The following HMCES variants were observed in gnomAD, a reference collection of about 807,000 sequenced individuals.
HMCES encodes the protein abasic site processing protein HMCES.
HMCES carries 27 observed loss-of-function variants against 35.1 expected under a neutral mutation model. That is an observed-to-expected ratio of 0.77 (90% CI 0.57 to 1.06). The LOEUF is 1.06. Ranked by LOEUF, HMCES falls within the 50% of genes least tolerant of loss-of-function variation. The pLI is 0.00. For missense variants in HMCES, 391 were observed against 430.4 expected (o/e 0.91, Z 0.81); for synonymous variants, 130 against 154.7 (o/e 0.84, Z 1.18).
rs1231255382 is a variant in HMCES at position 129,279,884 on chromosome 3, C to T, written c.152C>T (p.Pro51Leu). The change falls in exon 2 of 7, where the codon CCA (proline) becomes CTA (leucine). Residue 51 changes from proline (P) to leucine (L), a missense_variant. Transcript: ENST00000383463. The surrounding 1 kb of genome is among the most constrained non-coding windows in gnomAD (Gnocchi z 4.2). ...AACAAGAGTCCTCAATCCAACAGCCCAGTGCTTCTGTCTCGACTGCACTTT... is the reference window on the plus strand; with the variant it reads ...AACAAGAGTCCTCAATCCAACAGCCTAGTGCTTCTGTCTCGACTGCACTTT... The part of the protein sequence containing the change: ...SYNKSPQSNS[P>L]VLLSRLHFEK... 1 of 1,606,098 alleles carries T rather than the reference C, an allele frequency of 6.2e-7. No individual in the cohort carries two copies. Among genetic ancestry groups the T allele is most frequent in the East Asian group, 2.2e-5 (1 of 44,596 alleles).
chr3:129,283,063 G>A (rs1489716866), intron 2 of HMCES, among the ~76,000 whole-genome samples: 1 of 152,102 alleles, frequency 6.6e-6, no homozygotes, highest in African/African-American at 2.4e-5. Flanking sequence ...GTTGTAGAGC[G>A]TTTAGCAACA....
At chr3:129,283,753 G>C (rs62266890) in intron 2 of HMCES, among the ~76,000 whole-genome samples, 37,535 of 151,838 alleles carry the variant, frequency 0.25, 7,739 homozygotes, top group African/African-American at 0.57. Flanking sequence ...TCGCTTGAAC[G>C]TGGGAGGCGG....
chr3:129,288,021 C>T (rs1265372078), intron 2 of HMCES, among the ~76,000 whole-genome samples: 1 of 152,184 alleles, frequency 6.6e-6, no homozygotes, highest in Non-Finnish European at 1.5e-5. Context: ...CGTGCCACTG[C>T]ACTCCAGCTT....
intron 4 of HMCES, 115 bp downstream of exon 4, chr3:129,290,919 T>G: frequency 1.8e-6 from 2 of 1,092,530 alleles, no homozygotes; most frequent in Non-Finnish European, 2.6e-6. Context: ...AATAACAGCT[T>G]TGGCCCAGTG....
At chr3:129,301,227 G>T (rs1367525651) in intron 5 of HMCES, among the ~76,000 whole-genome samples, 2 of 135,916 alleles carry the variant, frequency 1.5e-5, no homozygotes, top group East Asian at 2.0e-4. Context: ...AAAAAAATAT[G>T]CTTTCATGTG....
chr3:129,294,420 C>T (rs1235878759), intron 4 of HMCES, among the ~76,000 whole-genome samples: 1 of 151,998 alleles, frequency 6.6e-6, no homozygotes, highest in Non-Finnish European at 1.5e-5. Flanking sequence ...GAGACTCCGT[C>T]TCAAAAAAAA....
intron 5 of HMCES, among the ~76,000 whole-genome samples, chr3:129,299,179 A>T (rs1193292672): frequency 6.6e-6 from 1 of 152,154 alleles, no homozygotes; most frequent in Non-Finnish European, 1.5e-5. Flanking sequence ...ATACTACAAT[A>T]AATATGGCAC....
chr3:129,289,440 A>G (rs760259526), intron 3 of HMCES, among the ~76,000 whole-genome samples: 3 of 152,262 alleles, frequency 2.0e-5, no homozygotes, highest in Non-Finnish European at 2.9e-5. Flanking sequence ...TCATGATCCA[A>G]CAGAGCAGGA....
intron 6 of HMCES, among the ~76,000 whole-genome samples, chr3:129,302,859 A>T (rs930976990): frequency 4.0e-5 from 6 of 149,530 alleles, no homozygotes; most frequent in Admixed American, 4.0e-4. Context: ...ACAAAAAGGA[A>T]AAAAAAAAAA....
intron 4 of HMCES, among the ~76,000 whole-genome samples, chr3:129,293,653 C>T (rs192922581): frequency 6.7e-6 from 1 of 149,632 alleles, no homozygotes; most frequent in East Asian, 2.0e-4. Flanking sequence ...TCACTGCAAC[C>T]TCCACCTCCT....
At position 129,304,510 on chromosome 3, in the gene HMCES, C is replaced by G; in HGVS notation, c.829-79C>G. The G allele has an allele frequency of 4.2e-6, 5 of 1,204,714 alleles. 1 individual carries two copies. In the South Asian group the frequency reaches 6.6e-5, roughly 16 times the overall value. The allele number at this position is 1,204,714 out of a possible 1,614,324, so 74.6% of individuals were successfully genotyped here. Reference sequence around the variant, plus strand: ...CCTGGGTAAGTACCTAATGCCTCTTCCCCTGTTTCTTCCCTTGGACTTGGC... The same window carrying G: ...CCTGGGTAAGTACCTAATGCCTCTTGCCCTGTTTCTTCCCTTGGACTTGGC... On this transcript the variant is annotated intron_variant, in intron 6 of 6. Transcript: ENST00000383463.
intron 2 of HMCES, among the ~76,000 whole-genome samples, chr3:129,285,051 T>C (rs1940597374): frequency 6.6e-6 from 1 of 152,218 alleles, no homozygotes; most frequent in African/African-American, 2.4e-5. Flanking sequence ...GATGATTCCT[T>C]TCTTCAGATT....
intron 5 of HMCES, among the ~76,000 whole-genome samples, chr3:129,299,639 T>C (rs1022069637): frequency 1.4e-5 from 2 of 148,004 alleles, no homozygotes; most frequent in African/African-American, 5.0e-5. Context: ...ATGAACCTTA[T>C]AGGTGCTTCT....
chr3:129,288,640 G>A (rs957325996), intron 2 of HMCES, among the ~76,000 whole-genome samples: 3 of 151,968 alleles, frequency 2.0e-5, no homozygotes, highest in Non-Finnish European at 4.4e-5. Flanking sequence ...AGGTGGCATT[G>A]AGCCAAAATA....
At chr3:129,290,973 CGG>C (rs1278419410) in intron 4 of HMCES, among the ~76,000 whole-genome samples, 169 bp downstream of exon 4, 5 of 152,080 alleles carry the variant, frequency 3.3e-5, no homozygotes, top group South Asian at 2.1e-4. Flanking sequence ...GAGCCCAAGA[CGG>C]GAAGATTGCT....
intron 2 of HMCES, among the ~76,000 whole-genome samples, chr3:129,288,566 G>C (rs1248454404): frequency 6.6e-6 from 1 of 151,464 alleles, no homozygotes; most frequent in Non-Finnish European, 1.5e-5. Flanking sequence ...ATGGGGGGGC[G>C]TGTGTCTATA....
chr3:129,295,444 A>C (rs1560076521), intron 4 of HMCES, among the ~76,000 whole-genome samples: 1 of 151,698 alleles, frequency 6.6e-6, no homozygotes, highest in Admixed American at 6.6e-5. Context: ...CAAAAAAAAA[A>C]ACAAAAAAAA....
At chr3:129,300,605 G>C (rs1468808373) in intron 5 of HMCES, among the ~76,000 whole-genome samples, 1 of 152,142 alleles carries the variant, frequency 6.6e-6, no homozygotes, top group Non-Finnish European at 1.5e-5. Context: ...GTGAAAATAT[G>C]CTTTCATGTG....
intron 2 of HMCES, among the ~76,000 whole-genome samples, chr3:129,284,199 A>G (rs143606431): frequency 6.6e-6 from 1 of 152,312 alleles, no homozygotes; most frequent in Non-Finnish European, 1.5e-5. Flanking sequence ...TACGTTATAA[A>G]CAAGTATCTT....
Sources: allele counts gnomAD v4.1 joint callset (sites outside exome capture counted in the v4.1 genomes callset), GRCh38; gene constraint gnomAD v4.1.1; non-coding constraint Gnocchi (gnomAD v3.1); transcripts MANE v1.5; gene names NCBI Gene and HGNC (gene_info 2026-07-23, HGNC 2026-07-21).